Variants in NEXMIF observed in about 807,000 individuals in gnomAD.
NEXMIF encodes XLMR protein related to neurite extension.
Under a neutral mutation model 62.1 loss-of-function variants are expected in NEXMIF, and 8 were observed. The ratio of observed to expected loss-of-function variants is 0.13; its 90% CI spans 0.08 to 0.23. NEXMIF has a LOEUF of 0.23. Among genes scored for constraint, NEXMIF ranks in the 10% least tolerant of loss-of-function variants. The pLI, the probability that NEXMIF is intolerant of heterozygous loss-of-function variation, is 1.00. For missense variants in NEXMIF, 976 were observed against 1,113.3 expected, an observed-to-expected ratio of 0.88 and a Z score of 1.75; for synonymous variants, 404 against 416.6, an observed-to-expected ratio of 0.97 and a Z score of 0.37.
intron 1 of NEXMIF, among the ~76,000 whole-genome samples, chrX:74,764,998 G>C (rs955748225): frequency 9.0e-6 from 1 of 111,483 alleles, no homozygotes; most frequent in Non-Finnish European, 1.9e-5. Context: ...TTGCCTTGAT[G>C]ATCTGTCTAA....
chrX:74,857,968 T>C (rs1272394834), intron 1 of NEXMIF, among the ~76,000 whole-genome samples: 2 of 111,914 alleles, frequency 1.8e-5, no homozygotes, highest in African/African-American at 6.5e-5. Flanking sequence ...AAGAACTGTG[T>C]CGCCTGATTT....
At chrX:74,848,676 G>T (rs939580900) in intron 1 of NEXMIF, among the ~76,000 whole-genome samples, 1 of 112,319 alleles carries the variant, frequency 8.9e-6, no homozygotes, top group Non-Finnish European at 1.9e-5. Context: ...TTAATAAGTA[G>T]GTCTTGGTAA....
At chrX:74,775,062 C>T (rs1460185871) in intron 1 of NEXMIF, among the ~76,000 whole-genome samples, 1 of 111,703 alleles carries the variant, frequency 9.0e-6, no homozygotes, top group South Asian at 3.8e-4. Context: ...AGAAAGGAGA[C>T]TGTTATCCTG....
intron 1 of NEXMIF, among the ~76,000 whole-genome samples, chrX:74,832,672 C>T (rs1368745222): frequency 9.0e-6 from 1 of 111,360 alleles, no homozygotes; most frequent in Non-Finnish European, 1.9e-5. Context: ...GTTTGGTTTG[C>T]TCTTGCTTTT....
chrX:74,840,967 C>G (rs1009088350), intron 1 of NEXMIF, among the ~76,000 whole-genome samples: 1 of 111,876 alleles, frequency 8.9e-6, no homozygotes, highest in African/African-American at 3.3e-5. Context: ...TATTCAGGCT[C>G]TATTTTGGTT....
At chrX:74,809,733 T>G (rs1467564672) in intron 1 of NEXMIF, among the ~76,000 whole-genome samples, 2 of 111,920 alleles carry the variant, frequency 1.8e-5, no homozygotes, top group African/African-American at 6.5e-5. Flanking sequence ...TGATACAAAC[T>G]GCTTCTGCAG....
intron 1 of NEXMIF, among the ~76,000 whole-genome samples, chrX:74,910,983 G>A (rs1419661625): frequency 2.7e-5 from 3 of 111,664 alleles, no homozygotes; most frequent in Non-Finnish European, 3.8e-5. Context: ...TATCAGCAGC[G>A]TGAAAACAAA....
At position 74,841,026 on chromosome X, in the gene NEXMIF, T is replaced by C. The variant is rs145321944; in HGVS notation, c.-48+83857A>G. Among the ~76,000 whole-genome samples the C allele has an allele frequency of 4.0e-3, 445 of 112,217 alleles. 2 individuals carry two copies. Among genetic ancestry groups the C allele is most frequent in the African/African-American group, 0.013 (399 of 30,873 alleles). On this transcript the variant is annotated intron_variant, in intron 1 of 3. Coordinates refer to ENST00000055682, the MANE Select transcript of NEXMIF (RefSeq NM_001008537.3). ...TTTCTAATTCTGTGAAGAATGTCAT[T>C]GGTAGTTTGATAGGAATAGAATTGA...
intron 1 of NEXMIF, among the ~76,000 whole-genome samples, chrX:74,835,026 CAAAT>C (rs1195780223): frequency 9.0e-6 from 1 of 111,692 alleles, no homozygotes; most frequent in Admixed American, 9.5e-5. Flanking sequence ...TGTGTATTGT[CAAAT>C]AGTCTGTCTT....
At chrX:74,830,446 A>C (rs986171255) in intron 1 of NEXMIF, among the ~76,000 whole-genome samples, 13 of 111,594 alleles carry the variant, frequency 1.2e-4, no homozygotes, top group African/African-American at 4.2e-4. Context: ...TGTTTTGGTT[A>C]CCATAGCTCT....
At chrX:74,863,810 A>G (rs1043150040) in intron 1 of NEXMIF, among the ~76,000 whole-genome samples, 1 of 112,283 alleles carries the variant, frequency 8.9e-6, no homozygotes, top group African/African-American at 3.2e-5. Context: ...TACAATAAAA[A>G]AAGAAAACTT....
intron 1 of NEXMIF, among the ~76,000 whole-genome samples, chrX:74,869,012 G>A: frequency 9.0e-6 from 1 of 110,711 alleles, no homozygotes; most frequent in Non-Finnish European, 1.9e-5. Flanking sequence ...ACCAAAACTA[G>A]ACAATGACAC....
At chrX:74,750,649 C>A (rs914525406) in intron 1 of NEXMIF, among the ~76,000 whole-genome samples, 1 of 111,710 alleles carries the variant, frequency 9.0e-6, no homozygotes, top group Admixed American at 9.5e-5. Context: ...TAATGGATGG[C>A]AGAATCAGCA....
chrX:74,789,078 T>C (rs2080269579), intron 1 of NEXMIF, among the ~76,000 whole-genome samples: 1 of 106,964 alleles, frequency 9.3e-6, no homozygotes, highest in Non-Finnish European at 1.9e-5. Context: ...CTGCACCCAC[T>C]AACTCATCAT....
At chrX:74,857,081 C>T (rs187385043) in intron 1 of NEXMIF, among the ~76,000 whole-genome samples, 10 of 111,983 alleles carry the variant, frequency 8.9e-5, no homozygotes, top group East Asian at 2.8e-4. Context: ...ATTTGAAAGG[C>T]GGTCTAGGAC....
Position 74,742,588 on chromosome X carries a change from T to G in NEXMIF, c.1969A>C (p.Asn657His), listed in dbSNP as rs2080110179. ...SASSKQISLC[N>H]DQRHASNHKE... ...TGATTACTAGCGTGCCTCTGATCAT[T>G]ACATAATGAAATCTGTTTACTACTT... Residue 657 changes from asparagine (N) to histidine (H), a missense_variant, in exon 3 of 4, where the codon AAT becomes CAT. By Grantham distance (68) the Asn-to-His change is moderately conservative. This residue lies in a region of NEXMIF where 639 missense variants were observed against 694.5 expected (regional missense o/e 0.92). Coordinates refer to ENST00000055682, the MANE Select transcript of NEXMIF (RefSeq NM_001008537.3). 1 of 1,209,934 alleles carries G rather than the reference T, an allele frequency of 8.3e-7. No homozygotes were observed. The highest frequency in any genetic ancestry group is 1.8e-5 in the South Asian group (1 of 56,815).
chrX:74,792,985 A>T (rs2080290745), intron 1 of NEXMIF, among the ~76,000 whole-genome samples: 1 of 108,216 alleles, frequency 9.2e-6, no homozygotes, highest in South Asian at 4.1e-4. Flanking sequence ...GTTTAAAGTT[A>T]ATATTGTTAT....
rs748858323 is a variant in NEXMIF at position 74,741,637 on chromosome X, T to A, written c.2920A>T (p.Ile974Phe). ...YQLCHFNNGE[I>F]CFPFQQGPVN... ...GGCCCCTGCTGGAAAGGAAAGCAGATCTCTCCATTATTAAAGTGACATAAT... is the reference window on the plus strand; with the variant it reads ...GGCCCCTGCTGGAAAGGAAAGCAGAACTCTCCATTATTAAAGTGACATAAT... Residue 974 changes from isoleucine to phenylalanine, a missense_variant, in exon 3 of 4, where the codon ATC (isoleucine) becomes TTC (phenylalanine). By Grantham distance (21) the Ile-to-Phe change is conservative (BLOSUM62 0). Transcript: ENST00000055682. 3 of 1,211,276 alleles carry A rather than the reference T, an allele frequency of 2.5e-6. No homozygotes were observed. The highest frequency in any genetic ancestry group is 3.4e-6 in the Non-Finnish European group (3 of 895,006).
chrX:74,814,460 T>C (rs949544494), intron 1 of NEXMIF, among the ~76,000 whole-genome samples: 2 of 111,817 alleles, frequency 1.8e-5, no homozygotes, highest in Non-Finnish European at 3.8e-5. Flanking sequence ...ACTACAGACC[T>C]AGACTTAAGT....
Sources: allele counts gnomAD v4.1 joint callset (sites outside exome capture counted in the v4.1 genomes callset), GRCh38; gene constraint gnomAD v4.1.1; regional missense constraint gnomAD v4.1.1; transcripts MANE v1.5; gene names NCBI Gene and HGNC (gene_info 2026-07-23, HGNC 2026-07-21).